AHCTF1: variants seen among roughly 807,000 people sequenced by gnomAD.
The protein encoded by AHCTF1 is AT-hook containing transcription factor 1, also known as protein ELYS.
AHCTF1 carries 24 observed loss-of-function variants against 248.4 expected under a neutral mutation model. That is an observed-to-expected ratio of 0.10 (90% CI 0.07 to 0.14). AHCTF1 has a LOEUF of 0.14. Ranked by LOEUF, AHCTF1 falls within the 10% of genes least tolerant of loss-of-function variation. The pLI is 1.00. For synonymous variants in AHCTF1, 786 were observed against 929.8 expected (o/e 0.85, Z 2.81); for missense variants, 2,206 against 2,636.2 (o/e 0.84, Z 3.57).
At chr1:246,859,771 T>G (rs1246229142) in intron 29 of AHCTF1, among the ~76,000 whole-genome samples, 1 of 151,800 alleles carries the variant, frequency 6.6e-6, no homozygotes, top group African/African-American at 2.4e-5. Flanking sequence ...AGAGATGGGG[T>G]CTCCCTATGT....
At chr1:246,910,016 C>T (rs1665688140) in intron 4 of AHCTF1, among the ~76,000 whole-genome samples, 1 of 152,196 alleles carries the variant, frequency 6.6e-6, no homozygotes, top group Non-Finnish European at 1.5e-5. Context: ...CCATGTGAAT[C>T]CACTGATCAC....
chr1:246,912,246 G>A (rs1268961478), intron 4 of AHCTF1, among the ~76,000 whole-genome samples: 9 of 151,980 alleles, frequency 5.9e-5, no homozygotes, highest in African/African-American at 1.9e-4. Context: ...GGAGGCCAAG[G>A]CGGGCGGATC....
intron 26 of AHCTF1, 70 bp downstream of exon 26, chr1:246,867,174 A>T: frequency 1.3e-6 from 1 of 760,048 alleles, no homozygotes; most frequent in Non-Finnish European, 2.1e-6. Flanking sequence ...AATGTTAAAG[A>T]TAATTAAAAA....
rs201853355 is a variant in AHCTF1, at chr1:246,843,863, T to A, written c.6457A>T (p.Ile2153Phe). The A allele has an allele frequency of 1.6e-5, 24 of 1,510,698 alleles. No homozygotes were observed. The East Asian group carries it at 5.5e-4, about 34-fold the overall frequency. The allele number at this position is 1,510,698 out of a possible 1,614,324, so 93.6% of individuals were successfully genotyped here. ...LVSDLSSQFVISPPALRSRQK... is the reference protein window; with the variant it reads ...LVSDLSSQFVFSPPALRSRQK... ...CTGCTCCTTAAAGCAGGAGGTGAGA[T>A]GACAAACTGAGAAGATAAATCCGAA... The change falls in exon 34 of 36, where the codon ATC becomes TTC. Residue 2153 changes from isoleucine to phenylalanine, a missense_variant. By Grantham distance (21) the Ile-to-Phe change is conservative. Coordinates refer to ENST00000648844, the MANE Select transcript of AHCTF1 (RefSeq NM_001323342.2).
Position 246,907,587 on chromosome 1 carries a change from T to C in AHCTF1, c.728A>G (p.Tyr243Cys), listed in dbSNP as rs200338789. ...GCTTTTCATGTTCCAAAGTGCTAGA[T>C]AGCCATCAGAAAAACCTACAGCAAG... ...NQLAVGFSDGYLALWNMKSMK... is the reference protein window; with the variant it reads ...NQLAVGFSDGCLALWNMKSMK... The change falls in exon 5 of 36, where the codon TAT (tyrosine) becomes TGT (cysteine). Residue 243 changes from tyrosine to cysteine, a missense_variant. Physicochemically the swap from Tyr to Cys is radical, Grantham distance 194 (BLOSUM62 -2). This residue lies in a region of AHCTF1 where 650 missense variants were observed against 870.8 expected (regional missense o/e 0.75). Coordinates refer to ENST00000648844, the MANE Select transcript of AHCTF1 (RefSeq NM_001323342.2). The C allele has an allele frequency of 1.6e-4, 259 of 1,613,856 alleles. 1 individual carries two copies. The highest frequency in any genetic ancestry group is 3.8e-4 in the South Asian group (35 of 91,066).
At chr1:246,867,582 G>A (rs1662075276) in intron 25 of AHCTF1, 79 bp downstream of exon 25, 6 of 1,511,956 alleles carry the variant, frequency 4.0e-6, no homozygotes, top group Non-Finnish European at 5.4e-6. Context: ...GGCAAAGAGA[G>A]TGGATTGTTG....
intron 24 of AHCTF1, among the ~76,000 whole-genome samples, chr1:246,868,995 C>A (rs549041580): frequency 7.3e-5 from 11 of 150,970 alleles, no homozygotes; most frequent in Admixed American, 5.3e-4. Flanking sequence ...CAGGCGCCCG[C>A]CACCATGCCT....
At position 246,849,729 on chromosome 1, in the gene AHCTF1, A is replaced by G; in HGVS notation, c.6277T>C (p.Ser2093Pro). ...RLLATASFTK[S>P]SRSSRTRSSK... ...GACCGAGTCCTGCTGCTGCGGGATG[A>G]TTTAGTGAAGGAAGCTGTGGCGAGC... Residue 2093 changes from serine to proline, a missense_variant, in exon 33 of 36, where the codon TCA (serine) becomes CCA (proline). This residue lies in a region of AHCTF1 where 469 missense variants were observed against 470.0 expected (regional missense o/e 1.00). Transcript: ENST00000648844. 3 of 1,613,938 alleles carry G rather than the reference A, an allele frequency of 1.9e-6. No individual in the cohort carries two copies. Among genetic ancestry groups the G allele is most frequent in the African/African-American group, 2.7e-5 (2 of 75,022 alleles).
intron 24 of AHCTF1, among the ~76,000 whole-genome samples, chr1:246,873,875 T>C (rs1662765890): frequency 6.6e-6 from 1 of 152,194 alleles, no homozygotes; most frequent in South Asian, 2.1e-4. Flanking sequence ...TAAATACTAC[T>C]TACTGTATAA....
rs1663977931 is a variant in AHCTF1 at position 246,888,379 on chromosome 1, T to C, written c.2268+15A>G. On this transcript the variant is annotated intron_variant, in intron 18 of 35. Transcript: ENST00000648844. Reference sequence around the variant, plus strand: ...TTTGTAGACTCTAAATGATAGCACATTACTGCAAACCTACATGCAGACTAG... The same window carrying C: ...TTTGTAGACTCTAAATGATAGCACACTACTGCAAACCTACATGCAGACTAG... 1.9e-6 allele frequency: 3 copies of C among 1,612,844 alleles called. No homozygotes were observed. Among genetic ancestry groups the C allele is most frequent in the Non-Finnish European group, 2.5e-6 (3 of 1,179,924 alleles).
chr1:246,841,867 C>T (rs1659889883), intron 35 of AHCTF1, among the ~76,000 whole-genome samples: 1 of 152,052 alleles, frequency 6.6e-6, no homozygotes, highest in Admixed American at 6.5e-5. Flanking sequence ...TCTTGGCTCA[C>T]TGCAACCTCC....
chr1:246,894,880 G>A (rs564536966), intron 13 of AHCTF1, 132 bp from the exon 14 acceptor site: 155 of 709,850 alleles, frequency 2.2e-4, no homozygotes, highest in Non-Finnish European at 3.4e-4. Context: ...GGCAACTTGG[G>A]AAAATGGACT....
chr1:246,847,410 T>G (rs983512059), intron 33 of AHCTF1, among the ~76,000 whole-genome samples: 2 of 152,194 alleles, frequency 1.3e-5, no homozygotes, highest in Admixed American at 6.5e-5. Flanking sequence ...TACATATGTA[T>G]CTGGAACGAT....
intron 1 of AHCTF1, among the ~76,000 whole-genome samples, chr1:246,926,046 T>TGA (rs1390966566): frequency 8.2e-6 from 1 of 121,268 alleles, no homozygotes; most frequent in Non-Finnish European, 1.7e-5. Context: ...ACCCTGTCTT[T>TGA]AAAAAAAAAA....
chr1:246,912,012 C>T (rs1339605266), intron 4 of AHCTF1, among the ~76,000 whole-genome samples: 2 of 152,098 alleles, frequency 1.3e-5, no homozygotes, highest in African/African-American at 4.8e-5. Context: ...CGGTTCACTG[C>T]AGCCTCCCCT....
intron 31 of AHCTF1, among the ~76,000 whole-genome samples, chr1:246,853,640 TAATTACAG>T (rs1459559016): frequency 6.7e-6 from 1 of 150,062 alleles, no homozygotes; most frequent in East Asian, 1.9e-4. Context: ...CCTTGTAGAG[TAATTACAG>T]AATTACATGA....
rs142573086 is a variant in AHCTF1 at position 246,925,699 on chromosome 1, G to A, written c.-8+5879C>T. 5.7e-3 allele frequency among the ~76,000 whole-genome samples: 868 copies of A among 152,276 alleles called. 13 individuals carry two copies. The highest frequency in any genetic ancestry group is 0.02 in the African/African-American group (827 of 41,564). ...AAATGTGATCCCCAGTGTTGGAGGT[G>A]GGGCCTGGTAGGAGGTGTCTGGGTC... is the stretch of plus-strand genomic sequence containing the variant. On this transcript the variant is annotated intron_variant, in intron 1 of 35. Coordinates refer to ENST00000648844, the MANE Select transcript of AHCTF1 (RefSeq NM_001323342.2).
intron 21 of AHCTF1, 90 bp downstream of exon 21, chr1:246,885,403 G>A: frequency 2.7e-6 from 3 of 1,110,542 alleles, no homozygotes; most frequent in South Asian, 1.9e-5. Context: ...TGACTTAACG[G>A]CCAATTGTAT....
chr1:246,920,169 G>C (rs990032356), intron 1 of AHCTF1, among the ~76,000 whole-genome samples: 1 of 72,630 alleles, frequency 1.4e-5, no homozygotes, highest in Non-Finnish European at 2.8e-5. Flanking sequence ...AAAAAAAAAA[G>C]AAAAGAAGCT....
Sources: allele counts gnomAD v4.1 joint callset (sites outside exome capture counted in the v4.1 genomes callset), GRCh38; gene constraint gnomAD v4.1.1; regional missense constraint gnomAD v4.1.1; transcripts MANE v1.5; gene names NCBI Gene and HGNC (gene_info 2026-07-23, HGNC 2026-07-21).